XYLT1: variants seen among roughly 807,000 people sequenced by gnomAD.
XYLT1 encodes xylosyltransferase 1.
In XYLT1, 36 loss-of-function variants were observed where a neutral mutation model predicts 91.3. The ratio of observed to expected loss-of-function variants is 0.39; its 90% CI spans 0.30 to 0.52. The LOEUF is 0.52. XYLT1 is among the 20% of genes least tolerant of loss of function. The probability of loss-of-function intolerance (pLI) is 0.68; values close to 1 mark genes in which losing one functional copy is unlikely to be tolerated. For missense variants in XYLT1, 1,242 were observed against 1,284.5 expected (o/e 0.97, Z 0.51); for synonymous variants, 588 against 532.0 (o/e 1.11, Z -1.45).
At chr16:17,300,670 C>T (rs926852811) in intron 2 of XYLT1, among the ~76,000 whole-genome samples, 11 of 151,394 alleles carry the variant, frequency 7.3e-5, no homozygotes, top group Non-Finnish European at 1.0e-4. Context: ...ACCTTGGCCA[C>T]GCTGGTCTGG....
intron 3 of XYLT1, among the ~76,000 whole-genome samples, chr16:17,243,281 T>C (rs1018490051): frequency 2.0e-5 from 3 of 152,194 alleles, no homozygotes; most frequent in African/African-American, 7.2e-5. Flanking sequence ...CTTATTATGG[T>C]CAGTTTATGA....
intron 5 of XYLT1, among the ~76,000 whole-genome samples, chr16:17,177,903 A>G (rs1231795292): frequency 6.6e-6 from 1 of 152,232 alleles, no homozygotes; most frequent in Admixed American, 6.5e-5. Context: ...GGAAAGATAA[A>G]CGAGCTCTGT....
intron 1 of XYLT1, among the ~76,000 whole-genome samples, chr16:17,452,479 C>T (rs150754616): frequency 1.2e-3 from 184 of 152,076 alleles, no homozygotes; most frequent in African/African-American, 4.1e-3. Flanking sequence ...TTATTTTACT[C>T]TTTCATATTT....
intron 10 of XYLT1, among the ~76,000 whole-genome samples, chr16:17,119,575 C>T (rs1472774720): frequency 6.6e-6 from 1 of 152,156 alleles, no homozygotes; most frequent in Non-Finnish European, 1.5e-5. Context: ...CTATGTCAGT[C>T]CATTCTTTAC....
intron 5 of XYLT1, among the ~76,000 whole-genome samples, chr16:17,186,831 C>T (rs1053427618): frequency 6.6e-6 from 1 of 152,126 alleles, no homozygotes; most frequent in South Asian, 2.1e-4. Context: ...GAGTCCCCGT[C>T]AGAGCACACC....
intron 3 of XYLT1, among the ~76,000 whole-genome samples, chr16:17,258,523 G>T (rs576496905): frequency 6.6e-6 from 1 of 151,930 alleles, no homozygotes; most frequent in South Asian, 2.1e-4. Context: ...AAAGAGAAGA[G>T]AAGAGGGAAA....
At chr16:17,445,336 G>A (rs1045270804) in intron 1 of XYLT1, among the ~76,000 whole-genome samples, 1 of 152,230 alleles carries the variant, frequency 6.6e-6, no homozygotes, top group African/African-American at 2.4e-5. Flanking sequence ...GGCACGTAGA[G>A]GCTGCTCCAT....
chr16:17,416,183 C>T (rs1388692668), intron 1 of XYLT1, among the ~76,000 whole-genome samples: 1 of 152,220 alleles, frequency 6.6e-6, no homozygotes, highest in Non-Finnish European at 1.5e-5. Context: ...ATACAGCTCC[C>T]GCCCTGTCCT....
chr16:17,115,531 T>A (rs2141481571), intron 11 of XYLT1, among the ~76,000 whole-genome samples: 1 of 150,166 alleles, frequency 6.7e-6, no homozygotes, highest in South Asian at 2.1e-4. Flanking sequence ...CCAACTGGAG[T>A]GCAGTGGCAT....
chr16:17,138,415 G>A lies in XYLT1; in HGVS notation c.1704C>T (p.Ile568=), dbSNP rs139802880. The change falls in exon 8 of 12, where the codon ATC becomes ATT. Residue 568 remains isoleucine, a synonymous_variant. Coordinates refer to ENST00000261381, the MANE Select transcript of XYLT1 (RefSeq NM_022166.4). The part of the protein sequence containing the change: ...KLGCKCQYKH[I]VDWCGCSPND... ...TGGGGGAGCAGCCGCACCAGTCCAC[G>A]ATGTGCTTGTACTGGCACTTGCAGC... is the stretch of plus-strand genomic sequence containing the variant. 4.0e-4 allele frequency: 643 copies of A among 1,614,150 alleles called. 1 individual carries two copies. The highest frequency in any genetic ancestry group is 1.6e-3 in the African/African-American group (121 of 75,048).
At chr16:17,286,307 G>A (rs1002155550) in intron 2 of XYLT1, among the ~76,000 whole-genome samples, 9 of 152,256 alleles carry the variant, frequency 5.9e-5, no homozygotes, top group African/African-American at 2.2e-4. Flanking sequence ...GGAGGCTGGG[G>A]AGGGAGGTAT....
chr16:17,261,160 T>G (rs1217839768), intron 2 of XYLT1, among the ~76,000 whole-genome samples: 1 of 150,928 alleles, frequency 6.6e-6, no homozygotes, highest in African/African-American at 2.4e-5. Flanking sequence ...GGAGAATTGC[T>G]TGAACCTGGG....
chr16:17,430,741 C>CA (rs1400681081), intron 1 of XYLT1, among the ~76,000 whole-genome samples: 1 of 152,030 alleles, frequency 6.6e-6, no homozygotes, highest in African/African-American at 2.4e-5. Context: ...CCCTTGCTTG[C>CA]AAAAAATAAA....
chr16:17,142,431 A>ATTTTTTTT (rs71137975), intron 6 of XYLT1, among the ~76,000 whole-genome samples: 2 of 122,746 alleles, frequency 1.6e-5, no homozygotes, highest in African/African-American at 3.1e-5. Flanking sequence ...AAATCCTGTA[A>ATTTTTTTT]TTTTTTTTTT....
intron 2 of XYLT1, among the ~76,000 whole-genome samples, chr16:17,343,855 A>G (rs1226382798): frequency 6.6e-6 from 1 of 152,168 alleles, no homozygotes; most frequent in African/African-American, 2.4e-5. Context: ...GGCACATGCT[A>G]TCTTGTTTGT....
At chr16:17,417,471 G>A (rs532981757) in intron 1 of XYLT1, among the ~76,000 whole-genome samples, 3 of 152,072 alleles carry the variant, frequency 2.0e-5, no homozygotes, top group Admixed American at 1.3e-4. Flanking sequence ...TGGTTAACGC[G>A]ACTTAACCTT....
intron 5 of XYLT1, chr16:17,192,728 T>C (rs2032343407): frequency 6.6e-6 from 1 of 152,024 alleles, no homozygotes; most frequent in African/African-American, 2.4e-5. Context: ...AGTTCAGGAA[T>C]ATTCTTCATG....
At position 17,358,054 on chromosome 16, in the gene XYLT1, T is replaced by C. The variant is rs772625231; in HGVS notation, c.364-4A>G. ...TGAGCGGACTTGGGTGTGGATCCTG[T>C]AGGATGAAAGGAGAAAATGCACGTG... On this transcript the variant is annotated splice_polypyrimidine_tract_variant and splice_region_variant and intron_variant, in intron 1 of 11. Coordinates refer to ENST00000261381, the MANE Select transcript of XYLT1 (RefSeq NM_022166.4). The C allele has an allele frequency of 1.9e-6, 3 of 1,612,824 alleles. No individual in the cohort carries two copies. The South Asian group carries it at 3.3e-5, about 18-fold the overall frequency.
intron 1 of XYLT1, among the ~76,000 whole-genome samples, chr16:17,468,006 T>C (rs1000292547): frequency 3.3e-5 from 5 of 152,196 alleles, no homozygotes; most frequent in Admixed American, 6.5e-5. Flanking sequence ...CCTGGCAGCC[T>C]CCGCAGGGTC....
Sources: allele counts gnomAD v4.1 joint callset (sites outside exome capture counted in the v4.1 genomes callset), GRCh38; gene constraint gnomAD v4.1.1; transcripts MANE v1.5; gene names NCBI Gene and HGNC (gene_info 2026-07-23, HGNC 2026-07-21).